NTNG1: variants seen among roughly 807,000 people sequenced by gnomAD.
The protein encoded by NTNG1 is netrin-G1.
In NTNG1, 16 loss-of-function variants were observed where a neutral mutation model predicts 54.0. The observed-to-expected ratio is 0.30, with a 90% CI of 0.20 to 0.45. The LOEUF (loss-of-function observed/expected upper bound fraction) is 0.45, where lower values mean the gene tolerates loss of function less well. NTNG1 is among the 20% of genes least tolerant of loss of function. The pLI is 1.00. For synonymous variants in NTNG1, 255 were observed against 263.1 expected (o/e 0.97, Z 0.30); for missense variants, 530 against 678.7 (o/e 0.78, Z 2.43).
At chr1:107,339,455 C>A (rs1404275304) in intron 3 of NTNG1, among the ~76,000 whole-genome samples, 1 of 151,760 alleles carries the variant, frequency 6.6e-6, no homozygotes, top group Non-Finnish European at 1.5e-5. Context: ...GAAAAATAGC[C>A]CAAAGAAAGT....
chr1:107,383,172 A>G (rs1235080072), intron 3 of NTNG1, among the ~76,000 whole-genome samples: 1 of 152,204 alleles, frequency 6.6e-6, no homozygotes, highest in East Asian at 1.9e-4. Context: ...TTTTTTAAGT[A>G]GACAAGTATA....
chr1:107,204,417 G>A (rs1659015401), intron 2 of NTNG1, among the ~76,000 whole-genome samples: 1 of 152,104 alleles, frequency 6.6e-6, no homozygotes, highest in South Asian at 2.1e-4. Flanking sequence ...CTTAAACTGA[G>A]ACTTGAGAAG....
At position 107,480,818 on chromosome 1, in the gene NTNG1, C is replaced by A; in HGVS notation, c.1598C>A (p.Thr533Asn). ...ALLLLTTLLGTASPLVF is the reference protein window; with the variant it reads ...ALLLLTTLLGNASPLVF ...CTGCTGCTGACCACGCTGCTGGGAA[C>A]CGCCAGCCCCCTGGTGTTCTAGGTG... is the stretch of plus-strand genomic sequence containing the variant. Residue 533 changes from threonine to asparagine, a missense_variant, in exon 8 of 8, where the codon ACC becomes AAC. This residue lies in a region of NTNG1 where 212 missense variants were observed against 213.6 expected (regional missense o/e 0.99). Coordinates refer to ENST00000370068, the MANE Select transcript of NTNG1 (RefSeq NM_001113226.3). 2 of 1,567,940 alleles carry A rather than the reference C, an allele frequency of 1.3e-6. No individual in the cohort carries two copies. The highest frequency in any genetic ancestry group is 1.7e-6 in the Non-Finnish European group (2 of 1,157,104).
chr1:107,340,701 G>A (rs1465697576), intron 3 of NTNG1, among the ~76,000 whole-genome samples: 1 of 152,060 alleles, frequency 6.6e-6, no homozygotes, highest in Non-Finnish European at 1.5e-5. Flanking sequence ...AAAATCAAGT[G>A]TGGTTTGTTA....
chr1:107,357,893 G>T (rs1352184231), intron 3 of NTNG1, among the ~76,000 whole-genome samples: 2 of 152,104 alleles, frequency 1.3e-5, no homozygotes, highest in African/African-American at 2.4e-5. Context: ...GAATATTAAA[G>T]TTGCACTTGG....
At chr1:107,269,511 G>T (rs967055064) in intron 2 of NTNG1, among the ~76,000 whole-genome samples, 2 of 152,150 alleles carry the variant, frequency 1.3e-5, no homozygotes, top group African/African-American at 4.8e-5. Flanking sequence ...CCACATGAAG[G>T]CAGCTTTGTG....
At position 107,482,246 on chromosome 1, in the gene NTNG1, C is replaced by T. The variant is rs597332; in HGVS notation, c.*1406C>T. 0.36 allele frequency: 54,363 copies of T among 151,878 alleles called. 10,239 individuals are homozygous for T. The highest frequency in any genetic ancestry group is 0.55 in the East Asian group (2,851 of 5,160). The allele number at this position is 151,878 out of a possible 1,614,324, so 9.4% of individuals were successfully genotyped here. A position where few individuals can be genotyped will look rare whatever the true frequency, so the allele number is the denominator to read the frequency against. On this transcript the variant is annotated 3_prime_UTR_variant, in exon 8 of 8. Coordinates refer to ENST00000370068, the MANE Select transcript of NTNG1 (RefSeq NM_001113226.3). ...AGTGTTTACATGGAGTATCACAAGA[C>T]GCAACCTGGGGAACCAGGAAGGGAG... is the stretch of plus-strand genomic sequence containing the variant.
chr1:107,441,284 G>T (rs1437808186), intron 7 of NTNG1, among the ~76,000 whole-genome samples: 1 of 152,152 alleles, frequency 6.6e-6, no homozygotes, highest in Non-Finnish European at 1.5e-5. Flanking sequence ...TAATGTGACT[G>T]GTGAGGAGAT....
At chr1:107,446,714 C>G (rs1676328090) in intron 7 of NTNG1, among the ~76,000 whole-genome samples, 3 of 152,050 alleles carry the variant, frequency 2.0e-5, no homozygotes, top group African/African-American at 7.2e-5. Flanking sequence ...TGTTATAACC[C>G]ATCACTGTTA....
At chr1:107,189,125 G>A (rs1570799233) in intron 2 of NTNG1, among the ~76,000 whole-genome samples, 3 of 152,124 alleles carry the variant, frequency 2.0e-5, no homozygotes, top group Admixed American at 2.0e-4. Flanking sequence ...ACCGAGGTGG[G>A]TGTATCCCTT....
At chr1:107,315,068 C>A (rs1250350196) in intron 2 of NTNG1, among the ~76,000 whole-genome samples, 1 of 152,162 alleles carries the variant, frequency 6.6e-6, no homozygotes, top group East Asian at 1.9e-4. Context: ...CAAACCTGGC[C>A]TTCCAACTCA....
chr1:107,391,187 G>T (rs1182470734), intron 3 of NTNG1, among the ~76,000 whole-genome samples: 1 of 152,154 alleles, frequency 6.6e-6, no homozygotes, highest in Non-Finnish European at 1.5e-5. Context: ...TACAAATGAA[G>T]CTGGAAAAGG....
At chr1:107,418,627 G>T (rs369929082) in intron 5 of NTNG1, 17 of 1,601,176 alleles carry the variant, frequency 1.1e-5, no homozygotes, top group African/African-American at 2.7e-5. Flanking sequence ...TTCCCTTGAG[G>T]TTTCTAACCC....
intron 7 of NTNG1, among the ~76,000 whole-genome samples, chr1:107,437,143 T>C (rs1228576475): frequency 6.6e-6 from 1 of 152,212 alleles, no homozygotes; most frequent in African/African-American, 2.4e-5. Flanking sequence ...GTGATTAATA[T>C]ATTTCTTGAA....
At chr1:107,166,692 T>A (rs1042608771) in intron 2 of NTNG1, among the ~76,000 whole-genome samples, 1 of 152,124 alleles carries the variant, frequency 6.6e-6, no homozygotes, top group Non-Finnish European at 1.5e-5. Context: ...AGGGAGTTTT[T>A]AATTTTTTTT....
chr1:107,140,605 C>T (rs1193751745), upstream of NTNG1, among the ~76,000 whole-genome samples: 1 of 151,960 alleles, frequency 6.6e-6, no homozygotes, highest in Non-Finnish European at 1.5e-5. Flanking sequence ...AGAGGATCTT[C>T]TTGGCGCCAA....
At chr1:107,443,775 A>G (rs1473700090) in intron 7 of NTNG1, among the ~76,000 whole-genome samples, 1 of 152,148 alleles carries the variant, frequency 6.6e-6, no homozygotes, top group Non-Finnish European at 1.5e-5. Context: ...GGTCTCATCA[A>G]TAAAATGAAT....
intron 3 of NTNG1, among the ~76,000 whole-genome samples, chr1:107,337,944 G>A (rs1668683150): frequency 6.6e-6 from 1 of 151,918 alleles, no homozygotes. Flanking sequence ...GAGGAGCGGT[G>A]AAGCACAGAG....
intron 4 of NTNG1, among the ~76,000 whole-genome samples, chr1:107,406,739 ACT>A (rs1198642029): frequency 6.6e-6 from 1 of 152,088 alleles, no homozygotes; most frequent in African/African-American, 2.4e-5. Flanking sequence ...GTCAAGCAAT[ACT>A]CTGAGTGATT....
Sources: allele counts gnomAD v4.1 joint callset (sites outside exome capture counted in the v4.1 genomes callset), GRCh38; gene constraint gnomAD v4.1.1; regional missense constraint gnomAD v4.1.1; transcripts MANE v1.5; gene names NCBI Gene and HGNC (gene_info 2026-07-23, HGNC 2026-07-21).